Variants in ITGA11 observed in about 807,000 individuals in gnomAD.
The protein encoded by ITGA11 is integrin subunit alpha 11.
Under a neutral mutation model 141.9 loss-of-function variants are expected in ITGA11, and 97 were observed. That is an observed-to-expected ratio of 0.68 (90% CI 0.58 to 0.81). The LOEUF (loss-of-function observed/expected upper bound fraction) is 0.81, where lower values mean the gene tolerates loss of function less well. ITGA11 is among the 30% of genes least tolerant of loss of function. The probability of loss-of-function intolerance (pLI) is 0.00; values close to 1 mark genes in which losing one functional copy is unlikely to be tolerated. For missense variants in ITGA11, 1,387 were observed against 1,559.2 expected, an observed-to-expected ratio of 0.89 and a Z score of 1.86; for synonymous variants, 658 against 624.6, an observed-to-expected ratio of 1.05 and a Z score of -0.80.
intron 20 of ITGA11, among the ~76,000 whole-genome samples, chr15:68,319,605 C>A (rs989874854): frequency 6.6e-5 from 10 of 152,212 alleles, no homozygotes; most frequent in Non-Finnish European, 1.3e-4. Context: ...GAAGTTTTAA[C>A]CTGGGGAAGA....
chr15:68,383,066 T>C (rs898083481), intron 2 of ITGA11, among the ~76,000 whole-genome samples: 2 of 152,008 alleles, frequency 1.3e-5, no homozygotes, highest in Non-Finnish European at 2.9e-5. Context: ...GGTCAGGAGA[T>C]TGAGACCATC....
intron 1 of ITGA11, among the ~76,000 whole-genome samples, chr15:68,419,984 G>T (rs1896979192): frequency 6.6e-6 from 1 of 152,138 alleles, no homozygotes; most frequent in Non-Finnish European, 1.5e-5. Flanking sequence ...ACTTTGTTAG[G>T]CTCAGACTCA....
rs542865875 is a variant in ITGA11, at chr15:68,305,617, C to G, written c.3381+1731G>C. 1.6e-3 allele frequency among the ~76,000 whole-genome samples: 237 copies of G among 152,362 alleles called. 1 individual carries two copies. Among genetic ancestry groups the G allele is most frequent in the African/African-American group, 5.3e-3 (222 of 41,580 alleles). On this transcript the variant is annotated intron_variant, in intron 28 of 29. Coordinates refer to ENST00000315757, the MANE Select transcript of ITGA11 (RefSeq NM_001004439.2). The surrounding 1 kb of genome is among the most constrained non-coding windows in gnomAD (Gnocchi z 4.6). ...GAGCCCTCCTTTGGCCACTGACTCA[C>G]TGTTCAACTTGAGGCAAGTCACTGT... is the stretch of plus-strand genomic sequence containing the variant.
intron 2 of ITGA11, among the ~76,000 whole-genome samples, chr15:68,379,044 A>G (rs1895796191): frequency 6.6e-6 from 1 of 152,246 alleles, no homozygotes; most frequent in Non-Finnish European, 1.5e-5. Context: ...TATGCGGAAT[A>G]AAAGTAGCCA....
intron 18 of ITGA11, among the ~76,000 whole-genome samples, chr15:68,323,657 A>T (rs1158053323): frequency 1.3e-5 from 2 of 152,138 alleles, no homozygotes; most frequent in African/African-American, 4.8e-5. Flanking sequence ...TTTCTTTATA[A>T]GGTGAGAAAG....
Position 68,303,729 on chromosome 15 carries a change from C to A in ITGA11, c.3495+43G>T. On this transcript the variant is annotated intron_variant, in intron 29 of 29. Transcript: ENST00000315757. The surrounding 1 kb of genome is among the most constrained non-coding windows in gnomAD (Gnocchi z 5.3). ...TCCAGGGGCTGGAGCCTGGGCCCAC[C>A]AGCCAGGATGCTGCTCCTTCCCTCC... is the stretch of plus-strand genomic sequence containing the variant. 1 of 1,407,172 alleles carries A rather than the reference C, an allele frequency of 7.1e-7. No homozygotes were observed. The highest frequency in any genetic ancestry group is 1.0e-6 in the Non-Finnish European group (1 of 1,002,286). The allele number at this position is 1,407,172 out of a possible 1,614,324, so 87.2% of individuals were successfully genotyped here.
chr15:68,427,068 C>T (rs1897161032), intron 1 of ITGA11, among the ~76,000 whole-genome samples: 1 of 145,962 alleles, frequency 6.9e-6, no homozygotes, highest in South Asian at 2.2e-4. Flanking sequence ...TCAGACAAAT[C>T]CCAACAATGC....
At position 68,311,339 on chromosome 15, in the gene ITGA11, G is replaced by T. The variant is rs1211402835; in HGVS notation, c.3038C>A (p.Thr1013Asn). 1.9e-6 allele frequency: 3 copies of T among 1,579,186 alleles called. No homozygotes were observed. The highest frequency in any genetic ancestry group is 2.6e-6 in the Non-Finnish European group (3 of 1,161,502). The part of the protein sequence containing the change: ...MMMKITIPIA[T>N]RSGNRLLKLR... ...CTTCAGTAGGCGGTTGCCGCTCCTG[G>T]TGGCGATGGGAATGGTGATCTTCAT... Residue 1013 changes from threonine (T) to asparagine (N), a missense_variant, in exon 25 of 30, where the codon ACC (threonine) becomes AAC (asparagine). Coordinates refer to ENST00000315757, the MANE Select transcript of ITGA11 (RefSeq NM_001004439.2).
intron 1 of ITGA11, among the ~76,000 whole-genome samples, chr15:68,420,245 C>A (rs995166848): frequency 3.3e-5 from 5 of 152,166 alleles, no homozygotes; most frequent in Non-Finnish European, 7.4e-5. Context: ...ATGCTCCCTG[C>A]CCCCTTGTTT....
At chr15:68,394,289 T>G (rs1896182590) in intron 2 of ITGA11, among the ~76,000 whole-genome samples, 1 of 152,114 alleles carries the variant, frequency 6.6e-6, no homozygotes, top group Non-Finnish European at 1.5e-5. Flanking sequence ...TGGAATTGAA[T>G]TAGAAATATA....
At chr15:68,357,076 G>A (rs1403934263) in intron 7 of ITGA11, 75 bp downstream of exon 7, 2 of 1,337,922 alleles carry the variant, frequency 1.5e-6, no homozygotes, top group Admixed American at 2.3e-5. Context: ...TTGTGGTAGT[G>A]TGTTACAAGG....
At chr15:68,342,997 T>TTCTTCTCTCTCTCTC (rs1894619538) in intron 10 of ITGA11, among the ~76,000 whole-genome samples, 1 of 143,932 alleles carries the variant, frequency 6.9e-6, no homozygotes, top group African/African-American at 2.6e-5. Flanking sequence ...GGGCAAGTTC[T>TTCTTCTCTCTCTCTC]TCTCTCTCTC....
chr15:68,332,786 A>T (rs969348916), intron 12 of ITGA11, among the ~76,000 whole-genome samples: 2 of 152,190 alleles, frequency 1.3e-5, no homozygotes, highest in African/African-American at 4.8e-5. Flanking sequence ...AATGGCAAAA[A>T]ATCAGGAGAC....
intron 2 of ITGA11, among the ~76,000 whole-genome samples, chr15:68,397,588 TATTATAAAATATTTAAA>T (rs1896342117): frequency 2.7e-5 from 1 of 37,496 alleles, no homozygotes. Flanking sequence ...ATATTTAAAA[TATTATAAAATATTTAAA>T]ATATTATATT....
At chr15:68,427,268 G>A (rs1292224628) in intron 1 of ITGA11, among the ~76,000 whole-genome samples, 2 of 152,166 alleles carry the variant, frequency 1.3e-5, no homozygotes, top group Non-Finnish European at 2.9e-5. Context: ...GCTTCTGTTA[G>A]CTGAGGGCTT....
rs139124958 is a variant in ITGA11 at position 68,416,065 on chromosome 15, C to A, written c.53-13036G>T. On this transcript the variant is annotated intron_variant, in intron 1 of 29. Coordinates refer to ENST00000315757, the MANE Select transcript of ITGA11 (RefSeq NM_001004439.2). ...CTTGGAGCACCCTGACCCTGGCCTG[C>A]CTCCCTCTCTTCTACTTCAGTCTTG... is the stretch of plus-strand genomic sequence containing the variant. Among the ~76,000 whole-genome samples the A allele has an allele frequency of 2.1e-4, 32 of 152,326 alleles. No homozygotes were observed. The East Asian group carries it at 4.8e-3, about 23-fold the overall frequency.
At chr15:68,416,536 G>A (rs1328117645) in intron 1 of ITGA11, among the ~76,000 whole-genome samples, 1 of 152,242 alleles carries the variant, frequency 6.6e-6, no homozygotes, top group Non-Finnish European at 1.5e-5. Flanking sequence ...GCAGCAAACA[G>A]CACATTGAGA....
intron 15 of ITGA11, among the ~76,000 whole-genome samples, chr15:68,330,723 G>A (rs1233523776): frequency 1.3e-5 from 2 of 152,152 alleles, no homozygotes; most frequent in African/African-American, 2.4e-5. Context: ...AGCTGAAGTG[G>A]AAGACATGCT....
At chr15:68,320,883 A>G (rs977921994) in intron 19 of ITGA11, among the ~76,000 whole-genome samples, 4 of 152,216 alleles carry the variant, frequency 2.6e-5, no homozygotes, top group Non-Finnish European at 4.4e-5. Flanking sequence ...AGTTGAGCAT[A>G]AATTATTGGA....
Sources: gnomAD v4.1 joint callset for allele counts (sites outside exome capture counted in the v4.1 genomes callset) on GRCh38, gnomAD v4.1.1 for gene constraint, Gnocchi (gnomAD v3.1) non-coding constraint, MANE v1.5 for transcripts, NCBI Gene and HGNC (gene_info 2026-07-23, HGNC 2026-07-21) for gene names.